KIF1B: variants seen among roughly 807,000 people sequenced by gnomAD.
The protein encoded by KIF1B is kinesin family member 1B.
A neutral mutation model predicts 241.9 loss-of-function variants in KIF1B; 76 were observed. The ratio of observed to expected loss-of-function variants is 0.31; its 90% CI spans 0.26 to 0.38. The LOEUF (loss-of-function observed/expected upper bound fraction) is 0.38. KIF1B is among the 10% of genes least tolerant of loss of function. The pLI, the probability that KIF1B is intolerant of heterozygous loss-of-function variation, is 1.00. For synonymous variants in KIF1B, 750 were observed against 796.7 expected (o/e 0.94, Z 0.99); for missense variants, 1,622 against 2,271.4 (o/e 0.71, Z 5.81).
At chr1:10,363,769 C>T (rs1368887597) in intron 41 of KIF1B, among the ~76,000 whole-genome samples, 1 of 152,170 alleles carries the variant, frequency 6.6e-6, no homozygotes, top group Non-Finnish European at 1.5e-5. Flanking sequence ...TTTTAAACTG[C>T]TCTTGTTCCT....
chr1:10,306,543 C>A, intron 22 of KIF1B: 1 of 605,352 alleles, frequency 1.7e-6, no homozygotes, highest in Non-Finnish European at 2.2e-6. Flanking sequence ...CCCAGGAGTT[C>A]TGGGCTGTGG....
At chr1:10,334,488 T>G in intron 27 of KIF1B, 32 bp from the exon 28 acceptor site, 1 of 1,484,204 alleles carries the variant, frequency 6.7e-7, no homozygotes. Flanking sequence ...CCATGGATGT[T>G]CTGACATTTG....
intron 15 of KIF1B, among the ~76,000 whole-genome samples, chr1:10,287,514 TCA>T (rs1215472174): frequency 3.9e-5 from 6 of 152,330 alleles, no homozygotes; most frequent in Admixed American, 6.5e-5. Flanking sequence ...CTAATGTGAC[TCA>T]CAGTTATTAT....
Position 10,337,483 on chromosome 1 carries a change from G to A in KIF1B, c.3372G>A (p.Leu1124=). 6.2e-7 allele frequency: 1 copy of A among 1,614,216 alleles called. No individual in the cohort carries two copies. Among genetic ancestry groups the A allele is most frequent in the South Asian group, 1.1e-5 (1 of 91,088 alleles). ...GSAFTFRVTV[L]QASGILPEYA... is the part of the protein sequence containing the mutation. ...CCTTCACTTTCCGAGTAACAGTGTTGCAGGCCAGTGGAATCCTCCCAGAGT... is the reference window on the plus strand; with the variant it reads ...CCTTCACTTTCCGAGTAACAGTGTTACAGGCCAGTGGAATCCTCCCAGAGT... Residue 1124 remains leucine, a synonymous_variant, in exon 31 of 49, where the codon TTG becomes TTA. Coordinates refer to ENST00000676179, the MANE Select transcript of KIF1B (RefSeq NM_001365951.3). This position sits in a 1 kb window ranked among gnomAD's most constrained non-coding sequence, Gnocchi z 4.0.
In KIF1B at chr1:10,289,655, G is replaced by A. The variant is rs143020152; in HGVS notation, c.1435-1427G>A. On this transcript the variant is annotated intron_variant, in intron 15 of 48. Transcript: ENST00000676179. ...TCCCAGCACTTTGGGAGGCTGAAGCGGGCCGATCACCTGAGGTCAGGAGTT... is the reference window on the plus strand; with the variant it reads ...TCCCAGCACTTTGGGAGGCTGAAGCAGGCCGATCACCTGAGGTCAGGAGTT... 3.6e-3 allele frequency among the ~76,000 whole-genome samples: 543 copies of A among 152,182 alleles called. 6 individuals carry two copies. The highest frequency in any genetic ancestry group is 0.012 in the African/African-American group (505 of 41,510).
At chr1:10,305,266 A>G in intron 22 of KIF1B, 3 of 1,041,760 alleles carry the variant, frequency 2.9e-6, no homozygotes, top group Non-Finnish European at 3.5e-6. Context: ...TTTATTCTGT[A>G]TTTTACAAAA....
At position 10,296,668 on chromosome 1, in the gene KIF1B, G is replaced by T; in HGVS notation, c.1861+3G>T. ...CCAGCCTGTTCAGCTGCGCTCAGGT[G>T]AGACTGGGAGAGGTTTGCCATCTTC... On this transcript the variant is annotated splice_donor_region_variant and intron_variant, in intron 20 of 48. Transcript: ENST00000676179. The T allele has an allele frequency of 6.2e-7, 1 of 1,613,112 alleles. No homozygotes were observed. Among genetic ancestry groups the T allele is most frequent in the South Asian group, 1.1e-5 (1 of 91,006 alleles).
At chr1:10,283,864 G>A (rs972199561) in intron 15 of KIF1B, among the ~76,000 whole-genome samples, 1 of 152,220 alleles carries the variant, frequency 6.6e-6, no homozygotes, top group African/African-American at 2.4e-5. Flanking sequence ...ATGCAAGGAC[G>A]ATAGAGAACA....
intron 4 of KIF1B, among the ~76,000 whole-genome samples, chr1:10,260,646 C>A (rs779372344): frequency 3.3e-5 from 5 of 152,130 alleles, no homozygotes; most frequent in African/African-American, 1.2e-4. Flanking sequence ...GGGTGGATCA[C>A]TGGAGGTCAG....
chr1:10,345,687 T>C, intron 34 of KIF1B, 158 bp from the exon 35 acceptor site: 1 of 657,886 alleles, frequency 1.5e-6, no homozygotes, highest in Non-Finnish European at 2.8e-6. Flanking sequence ...CTTACAAAGT[T>C]TATATTGGTG....
chr1:10,350,345 G>T (rs192604636), intron 37 of KIF1B, among the ~76,000 whole-genome samples: 5 of 151,000 alleles, frequency 3.3e-5, no homozygotes, highest in Non-Finnish European at 7.4e-5. Flanking sequence ...GGATCACGAG[G>T]TCAGGAGATC....
At chr1:10,280,510 A>G (rs1055674641) in intron 14 of KIF1B, among the ~76,000 whole-genome samples, 3 of 152,228 alleles carry the variant, frequency 2.0e-5, no homozygotes, top group African/African-American at 7.2e-5. Context: ...CTGGCATTAC[A>G]GGTGTGAGCC....
chr1:10,242,035 TGTG>T (rs1488254663), intron 2 of KIF1B, among the ~76,000 whole-genome samples: 10 of 152,162 alleles, frequency 6.6e-5, no homozygotes, highest in Admixed American at 5.9e-4. Context: ...TGTTCTTAGT[TGTG>T]GTGTTTAGGG....
chr1:10,243,242 C>T (rs1029315023), intron 2 of KIF1B, among the ~76,000 whole-genome samples: 1 of 152,064 alleles, frequency 6.6e-6, no homozygotes, highest in African/African-American at 2.4e-5. Context: ...CATGGTGAAG[C>T]CCCGTCTCTA....
At chr1:10,323,077 G>T (rs1461901636) in intron 24 of KIF1B, among the ~76,000 whole-genome samples, 1 of 152,090 alleles carries the variant, frequency 6.6e-6, no homozygotes, top group African/African-American at 2.4e-5. Context: ...GCCTAGGCTG[G>T]TCTCAAACTC....
chr1:10,215,117 G>A (rs1362511182), intron 1 of KIF1B, among the ~76,000 whole-genome samples: 3 of 121,646 alleles, frequency 2.5e-5, no homozygotes, highest in Admixed American at 8.8e-5. Context: ...AATGTTTGAT[G>A]GATTTAAAAA....
chr1:10,303,520 C>T lies in KIF1B; in HGVS notation c.2115+6274C>T, dbSNP rs1356318028. On this transcript the variant is annotated intron_variant, in intron 22 of 48. Coordinates refer to ENST00000676179, the MANE Select transcript of KIF1B (RefSeq NM_001365951.3). This position sits in a 1 kb window ranked among gnomAD's most constrained non-coding sequence, Gnocchi z 5.2. ...TTGTGCCATGTATGGCAAGAAAGAC[C>T]CCAATGAGCGGGACTCCTGGAGGGC... The T allele has an allele frequency of 6.2e-7, 1 of 1,614,056 alleles. No individual in the cohort carries two copies. Among genetic ancestry groups the T allele is most frequent in the Non-Finnish European group, 8.5e-7 (1 of 1,180,020 alleles).
At chr1:10,338,375 T>C (rs1214191768) in intron 31 of KIF1B, among the ~76,000 whole-genome samples, 1 of 152,226 alleles carries the variant, frequency 6.6e-6, no homozygotes, top group Non-Finnish European at 1.5e-5. Flanking sequence ...AAATTAAATG[T>C]GATCACTATA....
intron 22 of KIF1B, chr1:10,306,757 TAAA>T (rs745772393): frequency 0.016 from 8,684 of 559,516 alleles, no homozygotes; most frequent in East Asian, 0.025. Flanking sequence ...AACCTGTCTT[TAAA>T]AAAAAAAAAA....
Sources: allele counts gnomAD v4.1 joint callset (sites outside exome capture counted in the v4.1 genomes callset), GRCh38; gene constraint gnomAD v4.1.1; non-coding constraint Gnocchi (gnomAD v3.1); transcripts MANE v1.5; gene names NCBI Gene and HGNC (gene_info 2026-07-23, HGNC 2026-07-21).